The following AFF1 variants were observed in gnomAD, a reference collection of about 807,000 sequenced individuals.
AFF1 encodes the protein ALF transcription elongation factor 1.
AFF1 carries 48 observed loss-of-function variants against 121.7 expected under a neutral mutation model. The ratio of observed to expected loss-of-function variants is 0.39; its 90% confidence interval spans 0.31 to 0.50. The LOEUF (loss-of-function observed/expected upper bound fraction) is 0.50. Ranked by LOEUF, AFF1 falls within the 20% of genes least tolerant of loss-of-function variation. The probability of loss-of-function intolerance (pLI) is 0.76; values close to 1 mark genes in which losing one functional copy is unlikely to be tolerated. For synonymous variants in AFF1, 613 were observed against 563.0 expected (o/e 1.09, Z -1.26); for missense variants, 1,523 against 1,511.7 (o/e 1.01, Z -0.12).
At position 87,140,327 on chromosome 4, in the gene AFF1, A is replaced by C. The variant is rs1729617385; in HGVS notation, c.*4626A>C. 1 of 198,734 alleles carries C rather than the reference A, an allele frequency of 5.0e-6. No homozygotes were observed. The allele number at this position is 198,734 out of a possible 1,614,324, so 12.3% of individuals were successfully genotyped here. ...TATCCCCCTCAGATATCAAGTATAC[A>C]CTGTTCATGTTGGGGTTGTGTGTGT... On this transcript the variant is annotated 3_prime_UTR_variant, in exon 21 of 21. Coordinates refer to ENST00000395146, the MANE Select transcript of AFF1 (RefSeq NM_001166693.3).
chr4:87,055,561 CTT>C (rs1206814344), intron 4 of AFF1, among the ~76,000 whole-genome samples: 3 of 152,192 alleles, frequency 2.0e-5, no homozygotes, highest in African/African-American at 7.2e-5. Context: ...ACATTCAACT[CTT>C]TTGAATCTTC....
chr4:87,101,136 C>T (rs1725389289), intron 8 of AFF1, among the ~76,000 whole-genome samples: 1 of 152,048 alleles, frequency 6.6e-6, no homozygotes, highest in South Asian at 2.1e-4. Context: ...TGTGTCACAA[C>T]TGCTGGAGAT....
At chr4:86,952,687 C>CTT (rs35008076) in intron 2 of AFF1, among the ~76,000 whole-genome samples, 18,688 of 122,882 alleles carry the variant, frequency 0.15, 1,860 homozygotes, top group East Asian at 0.28. Context: ...AAAAACACAA[C>CTT]TTTTTTTTTT....
intron 2 of AFF1, among the ~76,000 whole-genome samples, chr4:86,987,537 C>T (rs1325411817): frequency 2.0e-5 from 3 of 152,144 alleles, no homozygotes; most frequent in Non-Finnish European, 4.4e-5. Context: ...TGTGGAAGTC[C>T]TAATTCTTCA....
chr4:87,005,524 T>C (rs1372489398), intron 2 of AFF1, among the ~76,000 whole-genome samples: 1 of 152,200 alleles, frequency 6.6e-6, no homozygotes, highest in African/African-American at 2.4e-5. Context: ...TCATTTTTAA[T>C]GTCTGCCAGA....
chr4:87,078,373 A>G (rs540601107), intron 4 of AFF1, among the ~76,000 whole-genome samples: 6 of 152,186 alleles, frequency 3.9e-5, no homozygotes, highest in African/African-American at 1.4e-4. Flanking sequence ...GACTGAAAAC[A>G]TGCCAGCCAT....
intron 2 of AFF1, among the ~76,000 whole-genome samples, chr4:87,022,765 TGTGTGTGTATATATATACATATCAC>T (rs1375701771): frequency 2.2e-4 from 33 of 150,384 alleles, no homozygotes; most frequent in Middle Eastern, 3.5e-3. Flanking sequence ...TATAATATCA[TGTGTGTGTATATATATACATATCAC>T]GTGTGTGTAT....
rs1729250239 is a variant in AFF1, at chr4:87,135,727, T to C, written c.*26T>C. 2.5e-6 allele frequency: 4 copies of C among 1,601,688 alleles called. No individual in the cohort carries two copies. The highest frequency in any genetic ancestry group is 3.4e-6 in the Non-Finnish European group (4 of 1,173,806). On this transcript the variant is annotated 3_prime_UTR_variant, in exon 21 of 21. Transcript: ENST00000395146. ...TGGAGCCCCAGGTTGATTCAATGCC[T>C]TGGGAACTATTTTTGCACATTGGAA...
chr4:87,006,576 G>C (rs555868483), intron 2 of AFF1, among the ~76,000 whole-genome samples: 1 of 152,300 alleles, frequency 6.6e-6, no homozygotes, highest in Admixed American at 6.5e-5. Context: ...AAGTATGCCC[G>C]TTTCTTGAGC....
At position 87,131,823 on chromosome 4, in the gene AFF1, T is replaced by C. The variant is rs1336035861; in HGVS notation, c.3132T>C (p.Asp1044=). The change falls in exon 18 of 21, where the codon GAT becomes GAC. Residue 1044 remains aspartate (D), a synonymous_variant. Transcript: ENST00000395146. ...KFIMSLKSFS[D]ATAPTQEKIF... ...TAATGTCATTAAAATCCTTCTCAGA[T>C]GCCACAGCGCCAACACAAGAGAAAA... 1.3e-6 allele frequency: 2 copies of C among 1,596,948 alleles called. No individual in the cohort carries two copies. Among genetic ancestry groups the C allele is most frequent in the South Asian group, 2.3e-5 (2 of 86,978 alleles).
intron 2 of AFF1, among the ~76,000 whole-genome samples, chr4:86,994,089 T>G (rs2149509490): frequency 6.6e-6 from 1 of 152,196 alleles, no homozygotes; most frequent in East Asian, 1.9e-4. Flanking sequence ...AGCCTTACTT[T>G]AAGTAACAAG....
At chr4:87,036,750 A>G (rs748724626) in intron 2 of AFF1, 1 of 503,390 alleles carries the variant, frequency 2.0e-6, no homozygotes, top group South Asian at 1.5e-5. Flanking sequence ...CAGTTAAGAA[A>G]CATCAGCTAC....
At chr4:87,073,935 T>G (rs1481710965) in intron 4 of AFF1, among the ~76,000 whole-genome samples, 1 of 152,124 alleles carries the variant, frequency 6.6e-6, no homozygotes, top group East Asian at 1.9e-4. Context: ...AACCATCCGT[T>G]AATACGATTT....
At chr4:86,995,319 G>T (rs1725051662) in intron 2 of AFF1, among the ~76,000 whole-genome samples, 1 of 57,870 alleles carries the variant, frequency 1.7e-5, no homozygotes, top group Admixed American at 2.4e-4. Context: ...TCTCCCCACG[G>T]TCTCCCTCTC....
intron 2 of AFF1, among the ~76,000 whole-genome samples, chr4:87,022,476 C>G (rs1728000030): frequency 2.0e-5 from 3 of 147,400 alleles, no homozygotes; most frequent in African/African-American, 2.5e-5. Flanking sequence ...TGAAGAAAAA[C>G]TAGTATAGCC....
intron 2 of AFF1, among the ~76,000 whole-genome samples, chr4:86,996,562 C>T (rs1042629593): frequency 2.7e-5 from 4 of 150,704 alleles, no homozygotes; most frequent in Middle Eastern, 3.4e-3. Context: ...TCCCTAATCT[C>T]AAGTACCCAG....
At chr4:87,105,147 A>G (rs1725786184) in intron 8 of AFF1, among the ~76,000 whole-genome samples, 1 of 152,256 alleles carries the variant, frequency 6.6e-6, no homozygotes, top group Non-Finnish European at 1.5e-5. Context: ...AGTGCTTTAC[A>G]AATATTCATT....
rs556654068 is a variant in AFF1, at chr4:87,040,810, C to T, written c.39-5356C>T. Reference sequence around the variant, plus strand: ...CTGGTCTCAAACTCCCAACCTCAGGCGATCCACCCTCCTCAGCCCCCCAAA... The same window carrying T: ...CTGGTCTCAAACTCCCAACCTCAGGTGATCCACCCTCCTCAGCCCCCCAAA... On this transcript the variant is annotated intron_variant, in intron 2 of 20. Coordinates refer to ENST00000395146, the MANE Select transcript of AFF1 (RefSeq NM_001166693.3). Among the ~76,000 whole-genome samples the T allele has an allele frequency of 1.2e-3, 172 of 148,914 alleles. 1 individual carries two copies. The highest frequency in any genetic ancestry group is 2.0e-3 in the Non-Finnish European group (132 of 67,414).
At chr4:87,002,110 T>C (rs532588847) in intron 2 of AFF1, among the ~76,000 whole-genome samples, 1 of 151,782 alleles carries the variant, frequency 6.6e-6, no homozygotes, top group African/African-American at 2.4e-5. Flanking sequence ...TTTCCTTTTT[T>C]TTTTTTTTTC....
Sources: gnomAD v4.1 joint callset for allele counts (sites outside exome capture counted in the v4.1 genomes callset) on GRCh38, gnomAD v4.1.1 for gene constraint, MANE v1.5 for transcripts, NCBI Gene and HGNC (gene_info 2026-07-23, HGNC 2026-07-21) for gene names.